Variants in CRTAC1 observed in about 807,000 individuals in gnomAD.
The protein encoded by CRTAC1 is cartilage acidic protein 1, also known as acidic secreted protein in cartilage.
CRTAC1 carries 37 observed loss-of-function variants against 67.8 expected under a neutral mutation model. The ratio of observed to expected loss-of-function variants is 0.55; its 90% CI spans 0.42 to 0.72. The LOEUF is 0.72. CRTAC1 is among the 30% of genes least tolerant of loss of function. CRTAC1 has a pLI of 0.00. For missense variants in CRTAC1, 780 were observed against 931.6 expected (o/e 0.84, Z 2.12); for synonymous variants, 348 against 371.0 (o/e 0.94, Z 0.71).
intron 2 of CRTAC1, among the ~76,000 whole-genome samples, chr10:98,006,857 CT>C (rs1399425185): frequency 2.6e-5 from 4 of 152,170 alleles, no homozygotes; most frequent in South Asian, 2.1e-4. Context: ...ATAGGTGCCC[CT>C]GATGAAGATT....
At chr10:97,986,024 T>C (rs894623304) in intron 2 of CRTAC1, among the ~76,000 whole-genome samples, 3 of 152,086 alleles carry the variant, frequency 2.0e-5, no homozygotes, top group African/African-American at 7.2e-5. Context: ...GCCTCTAAAA[T>C]GCTGTTTATG....
At chr10:97,936,054 C>T (rs1199325343) in intron 3 of CRTAC1, 116 bp downstream of exon 3, 4 of 983,250 alleles carry the variant, frequency 4.1e-6, no homozygotes, top group Non-Finnish European at 6.0e-6. Flanking sequence ...GGGGCAGTGC[C>T]TAGGGGGACA....
At chr10:97,913,864 G>A (rs1056666154) in intron 5 of CRTAC1, among the ~76,000 whole-genome samples, 3 of 152,160 alleles carry the variant, frequency 2.0e-5, no homozygotes, top group East Asian at 3.9e-4. Context: ...CACTGGTGAG[G>A]ATCTGCCAGA....
At chr10:97,925,517 G>A (rs530290592) in intron 3 of CRTAC1, among the ~76,000 whole-genome samples, 1 of 151,548 alleles carries the variant, frequency 6.6e-6, no homozygotes, top group East Asian at 2.0e-4. Flanking sequence ...GGGCATCAGT[G>A]AGAGTGAGTG....
At position 97,888,397 on chromosome 10, in the gene CRTAC1, C is replaced by T. The variant is rs1489196909; in HGVS notation, c.1487-4046G>A. 2.0e-5 allele frequency among the ~76,000 whole-genome samples: 3 copies of T among 152,208 alleles called. No individual in the cohort carries two copies. In the East Asian group the frequency reaches 5.8e-4, roughly 29 times the overall value. ...GGATACAGTGTGGGCCAAGGTACAG[C>T]AGCGTGAAAGGGTAAGTTGTAGCTG... On this transcript the variant is annotated intron_variant, in intron 11 of 14. Coordinates refer to ENST00000370597, the MANE Select transcript of CRTAC1 (RefSeq NM_018058.7).
chr10:97,898,282 C>G (rs1342461962), intron 8 of CRTAC1, among the ~76,000 whole-genome samples: 1 of 152,188 alleles, frequency 6.6e-6, no homozygotes, highest in East Asian at 1.9e-4. Flanking sequence ...CAGGAACCAC[C>G]GTTCAGAGGG....
At chr10:97,981,552 T>C (rs1204906177) in intron 2 of CRTAC1, among the ~76,000 whole-genome samples, 1 of 152,234 alleles carries the variant, frequency 6.6e-6, no homozygotes, top group East Asian at 1.9e-4. Context: ...GATATTAAAG[T>C]TGCTTCTGGT....
chr10:97,886,732 C>T (rs933958720), intron 11 of CRTAC1, among the ~76,000 whole-genome samples: 1 of 151,744 alleles, frequency 6.6e-6, no homozygotes, highest in East Asian at 1.9e-4. Context: ...GCAACCTCCC[C>T]CTCCCAGGTT....
rs1295512935 is a variant in CRTAC1, at chr10:97,895,261, C to A, written c.1470G>T (p.Val490=). ...GSGYLCEMEP[V]AHFGLGKDEA... ...CCGACTCACCCAGGCCAAAGTGTGC[C>A]ACGGGCTCCATCTCACACAGGTAGC... Residue 490 remains valine, a synonymous_variant, in exon 11 of 15, where the codon GTG becomes GTT. Coordinates refer to ENST00000370597, the MANE Select transcript of CRTAC1 (RefSeq NM_018058.7). The surrounding 1 kb of genome is among the most constrained non-coding windows in gnomAD (Gnocchi z 4.2). 1.2e-6 allele frequency: 2 copies of A among 1,611,872 alleles called. No individual in the cohort carries two copies. Among genetic ancestry groups the A allele is most frequent in the African/African-American group, 1.3e-5 (1 of 74,922 alleles).
chr10:98,012,940 A>G (rs1190533033), intron 1 of CRTAC1, among the ~76,000 whole-genome samples: 4 of 152,242 alleles, frequency 2.6e-5, no homozygotes, highest in Non-Finnish European at 5.9e-5. Context: ...AGACAAATGC[A>G]TCATGAATCA....
intron 6 of CRTAC1, 68 bp from the exon 7 acceptor site, chr10:97,904,882 C>T (rs917114259): frequency 2.7e-6 from 4 of 1,473,560 alleles, no homozygotes; most frequent in South Asian, 1.4e-5. Flanking sequence ...TCACCCTGCT[C>T]TAGCTCTGTG....
At chr10:97,918,426 A>G (rs1159941702) in intron 4 of CRTAC1, among the ~76,000 whole-genome samples, 1 of 142,874 alleles carries the variant, frequency 7.0e-6, no homozygotes, top group Non-Finnish European at 1.6e-5. Context: ...TATTTCTTCA[A>G]TGGATGACTT....
At chr10:97,965,127 T>A (rs2051594127) in intron 2 of CRTAC1, among the ~76,000 whole-genome samples, 1 of 152,118 alleles carries the variant, frequency 6.6e-6, no homozygotes, top group South Asian at 2.1e-4. Context: ...AGAGCTGAGA[T>A]CAAAAAGAGA....
At chr10:97,921,869 C>T (rs374804275) in intron 4 of CRTAC1, among the ~76,000 whole-genome samples, 68 of 150,816 alleles carry the variant, frequency 4.5e-4, no homozygotes, top group Admixed American at 1.7e-3. Context: ...AGCTTCTGGA[C>T]GCCTGCCTCC....
At chr10:97,945,089 A>G (rs2051243535) in intron 2 of CRTAC1, among the ~76,000 whole-genome samples, 2 of 152,268 alleles carry the variant, frequency 1.3e-5, no homozygotes, top group Admixed American at 1.3e-4. Flanking sequence ...ATGACCTATC[A>G]TCTCAGATCT....
At chr10:97,875,490 C>T (rs749713685) in intron 14 of CRTAC1, among the ~76,000 whole-genome samples, 1 of 152,232 alleles carries the variant, frequency 6.6e-6, no homozygotes, top group Non-Finnish European at 1.5e-5. Context: ...TGGTGTTAAC[C>T]AGCCCATGTT....
intron 2 of CRTAC1, among the ~76,000 whole-genome samples, chr10:97,981,286 T>C (rs947799114): frequency 2.6e-5 from 4 of 152,206 alleles, no homozygotes; most frequent in Admixed American, 6.5e-5. Context: ...AAAATTAACC[T>C]CTAAACCATC....
chr10:97,943,917 G>A (rs2051218230), intron 2 of CRTAC1, among the ~76,000 whole-genome samples: 1 of 152,194 alleles, frequency 6.6e-6, no homozygotes, highest in Non-Finnish European at 1.5e-5. Context: ...CAGCCTTATA[G>A]TATGAGTATA....
chr10:97,971,610 C>T (rs930313538), intron 2 of CRTAC1, among the ~76,000 whole-genome samples: 11 of 152,150 alleles, frequency 7.2e-5, no homozygotes, highest in Non-Finnish European at 2.9e-5. Context: ...AACGTGGATG[C>T]ACATAATGCC....
Sources: gnomAD v4.1 joint callset for allele counts (sites outside exome capture counted in the v4.1 genomes callset) on GRCh38, gnomAD v4.1.1 for gene constraint, Gnocchi (gnomAD v3.1) non-coding constraint, MANE v1.5 for transcripts, NCBI Gene and HGNC (gene_info 2026-07-23, HGNC 2026-07-21) for gene names.